The following LRP1B variants were observed in gnomAD, a reference collection of about 807,000 sequenced individuals.
LRP1B encodes LDL receptor related protein 1B.
LRP1B carries 217 observed loss-of-function variants against 556.6 expected under a neutral mutation model. The ratio of observed to expected loss-of-function variants is 0.39; its 90% confidence interval spans 0.35 to 0.44. LRP1B has a LOEUF of 0.44. Ranked by LOEUF, LRP1B falls within the 20% of genes least tolerant of loss-of-function variation. LRP1B has a pLI of 1.00. For synonymous variants in LRP1B, 2,047 were observed against 1,865.8 expected, an observed-to-expected ratio of 1.10 and a Z score of -2.50; for missense variants, 5,053 against 5,620.8, an observed-to-expected ratio of 0.90 and a Z score of 3.23.
intron 2 of LRP1B, among the ~76,000 whole-genome samples, chr2:141,585,348 C>T (rs1687099597): frequency 6.6e-6 from 1 of 151,164 alleles, no homozygotes; most frequent in Non-Finnish European, 1.5e-5. Context: ...AAAAGAAAAC[C>T]CTTATTCAAT....
At chr2:140,283,825 T>G (rs1182162225) in intron 84 of LRP1B, among the ~76,000 whole-genome samples, 2 of 151,752 alleles carry the variant, frequency 1.3e-5, no homozygotes, top group Non-Finnish European at 2.9e-5. Context: ...TTATAAACAG[T>G]GTTTTGGGTT....
At chr2:141,380,226 A>T (rs78858346) in intron 3 of LRP1B, among the ~76,000 whole-genome samples, 1 of 68,208 alleles carries the variant, frequency 1.5e-5, no homozygotes, top group Admixed American at 1.8e-4. Flanking sequence ...GCTCCAGGAG[A>T]AAAAAAAAAA....
At chr2:140,430,124 T>C (rs1685855188) in intron 66 of LRP1B, among the ~76,000 whole-genome samples, 1 of 152,154 alleles carries the variant, frequency 6.6e-6, no homozygotes, top group African/African-American at 2.4e-5. Flanking sequence ...GGTTTATTGA[T>C]GGCAGTTCCA....
At position 140,360,450 on chromosome 2, in the gene LRP1B, C is replaced by T. The variant is rs564147762; in HGVS notation, c.11132-1504G>A. Among the ~76,000 whole-genome samples the T allele has an allele frequency of 3.3e-5, 5 of 151,636 alleles. No individual in the cohort carries two copies. The East Asian group carries it at 9.7e-4, about 30-fold the overall frequency. ...TCATTTCCTACTACAGCTTCCATAG[C>T]TTTATCCTATCTTTACTTTCTATTT... is the stretch of plus-strand genomic sequence containing the variant. On this transcript the variant is annotated intron_variant, in intron 72 of 90. Coordinates refer to ENST00000389484, the MANE Select transcript of LRP1B (RefSeq NM_018557.3).
rs535417153 is a variant in LRP1B at position 141,716,069 on chromosome 2, C to G, written c.205+94210G>C. ...TTCAGCTAGAATTATATATGGACCC[C>G]TCAACCAATGCAGGTAAAGTGTACA... On this transcript the variant is annotated intron_variant, in intron 2 of 90. Transcript: ENST00000389484. 5.3e-5 allele frequency among the ~76,000 whole-genome samples: 8 copies of G among 152,212 alleles called. No individual in the cohort carries two copies. The South Asian group carries it at 1.7e-3, about 32-fold the overall frequency.
intron 2 of LRP1B, among the ~76,000 whole-genome samples, chr2:141,515,127 AC>A (rs1684266080): frequency 6.6e-6 from 1 of 151,724 alleles, no homozygotes; most frequent in Non-Finnish European, 1.5e-5. Flanking sequence ...ACATGGAGAA[AC>A]CCCGTCTCTA....
At chr2:140,655,277 CATTT>C (rs144227384) in intron 41 of LRP1B, among the ~76,000 whole-genome samples, 2,204 of 152,202 alleles carry the variant, frequency 0.014, 45 homozygotes, top group African/African-American at 0.047. Flanking sequence ...CCAAATTCTA[CATTT>C]ATTAACCTTG....
At chr2:140,759,770 G>T (rs902997456) in intron 35 of LRP1B, among the ~76,000 whole-genome samples, 1 of 152,152 alleles carries the variant, frequency 6.6e-6, no homozygotes, top group African/African-American at 2.4e-5. Context: ...TGGTGACAAA[G>T]AATAAAGTCA....
intron 83 of LRP1B, 21 bp downstream of exon 83, chr2:140,314,914 C>A (rs1001904885): frequency 3.2e-6 from 5 of 1,543,292 alleles, no homozygotes; most frequent in Non-Finnish European, 4.4e-6. Flanking sequence ...ATGTGAAATA[C>A]AATGACAATG....
chr2:141,667,240 A>G (rs1690477644), intron 2 of LRP1B, among the ~76,000 whole-genome samples: 1 of 152,210 alleles, frequency 6.6e-6, no homozygotes, highest in Non-Finnish European at 1.5e-5. Flanking sequence ...CAGAATGAAA[A>G]TAACAAGAGC....
chr2:140,380,570 A>G (rs1683429345), intron 67 of LRP1B, among the ~76,000 whole-genome samples: 1 of 152,186 alleles, frequency 6.6e-6, no homozygotes, highest in African/African-American at 2.4e-5. Flanking sequence ...CATGAAAAGA[A>G]TAAAGAAAGA....
intron 66 of LRP1B, among the ~76,000 whole-genome samples, chr2:140,401,173 G>C: frequency 6.6e-6 from 1 of 152,182 alleles, no homozygotes; most frequent in Non-Finnish European, 1.5e-5. Context: ...GCAGGCATGA[G>C]TGCAGGAGCT....
At chr2:141,329,601 G>A (rs1435262856) in intron 3 of LRP1B, among the ~76,000 whole-genome samples, 5 of 142,062 alleles carry the variant, frequency 3.5e-5, no homozygotes, top group African/African-American at 7.9e-5. Context: ...CCAAGATTGC[G>A]CCACTGCGCT....
chr2:140,253,040 GTTTTC>G (rs1359566834), intron 86 of LRP1B, among the ~76,000 whole-genome samples: 2 of 151,912 alleles, frequency 1.3e-5, no homozygotes, highest in African/African-American at 4.8e-5. Context: ...GACTGTTAAT[GTTTTC>G]TATGAGAATA....
chr2:141,262,787 A>G (rs1448119996), intron 3 of LRP1B, among the ~76,000 whole-genome samples: 1 of 152,074 alleles, frequency 6.6e-6, no homozygotes, highest in East Asian at 1.9e-4. Context: ...CTTTCTATAA[A>G]TTATGCTATT....
At chr2:140,359,095 C>A (rs1388829501) in intron 72 of LRP1B, 149 bp from the exon 73 acceptor site, 1 of 644,660 alleles carries the variant, frequency 1.6e-6, no homozygotes, top group East Asian at 3.5e-5. Flanking sequence ...CTAGTGGCTA[C>A]CAGAAAAATA....
At chr2:140,378,376 G>GA (rs551485272) in intron 67 of LRP1B, 90 bp from the exon 68 acceptor site, 1,263 of 625,018 alleles carry the variant, frequency 2.0e-3, no homozygotes, top group South Asian at 4.4e-3. Context: ...TAGCATTAAA[G>GA]AAAAAAAAAG....
At chr2:140,774,610 T>C (rs1274257211) in intron 33 of LRP1B, among the ~76,000 whole-genome samples, 1 of 152,196 alleles carries the variant, frequency 6.6e-6, no homozygotes, top group East Asian at 1.9e-4. Flanking sequence ...TGTTTTCAGA[T>C]ACGATCTCAT....
At chr2:141,795,761 T>C (rs907916609) in intron 2 of LRP1B, among the ~76,000 whole-genome samples, 8 of 150,286 alleles carry the variant, frequency 5.3e-5, no homozygotes, top group African/African-American at 1.7e-4. Flanking sequence ...TCTTCTGGCA[T>C]GTATGCAGGC....
Sources: allele counts gnomAD v4.1 joint callset (sites outside exome capture counted in the v4.1 genomes callset), GRCh38; gene constraint gnomAD v4.1.1; transcripts MANE v1.5; gene names NCBI Gene and HGNC (gene_info 2026-07-23, HGNC 2026-07-21).